Variants in PALM3 observed in about 807,000 individuals in gnomAD.
The protein encoded by PALM3 is paralemmin-3.
In PALM3, 20 loss-of-function variants were observed where a neutral mutation model predicts 27.9. The observed-to-expected ratio is 0.72, with a 90% CI of 0.50 to 1.04. PALM3 has a LOEUF of 1.04. PALM3 is among the 50% of genes least tolerant of loss of function. The pLI is 0.00. For synonymous variants in PALM3, 328 were observed against 352.7 expected (o/e 0.93, Z 0.79); for missense variants, 814 against 869.4 (o/e 0.94, Z 0.80).
In PALM3 at chr19:14,053,609, A is replaced by G. The variant is rs1481290745; in HGVS notation, c.2063T>C (p.Met688Thr). The G allele has an allele frequency of 5.5e-6, 8 of 1,453,700 alleles. No homozygotes were observed. The highest frequency in any genetic ancestry group is 9.1e-7 in the Non-Finnish European group (1 of 1,100,978). 90.1% of individuals were successfully genotyped at this position (1,453,700 alleles called of 1,614,324 possible). The change falls in exon 7 of 7, where the codon ATG becomes ACG. Residue 688 changes from methionine (M) to threonine (T), a missense_variant. Transcript: ENST00000669674. ...KQKTCQCCAVM is the reference protein window; with the variant it reads ...KQKTCQCCAVT ...ATGGGGTGGAGGGGCATGGGTTCAC[A>G]TGACCGCACAACACTGGCACGTCTT...
At position 14,054,252 on chromosome 19, in the gene PALM3, TTCTC is replaced by T. The variant is rs1568506245; in HGVS notation, c.1416_1419del (p.Arg473LysfsTer6). On this transcript the variant is annotated frameshift_variant, in exon 7 of 7. Coordinates refer to ENST00000669674, the MANE Select transcript of PALM3 (RefSeq NM_001145028.2). LOFTEE classifies it low-confidence loss of function (END_TRUNC). ...TCTGCCCTCAAATGTCCCTCAACTTTTCTCTCTATGCCCAGTGGTTCCTCACCTC... is the reference window on the plus strand; with the variant it reads ...TCTGCCCTCAAATGTCCCTCAACTTTTCTATGCCCAGTGGTTCCTCACCTC... The T allele has an allele frequency of 6.4e-7, 1 of 1,552,060 alleles. No homozygotes were observed. Among genetic ancestry groups the T allele is most frequent in the Non-Finnish European group, 8.7e-7 (1 of 1,147,072 alleles).
chr19:14,053,732 G>C lies in PALM3; in HGVS notation c.1940C>G (p.Ala647Gly). ...QPLLQGEGPSANPSAHPVPTY... is the reference protein window; with the variant it reads ...QPLLQGEGPSGNPSAHPVPTY... ...GGGCACAGGGTGGGCACTGGGGTTG[G>C]CGCTGGGCCCCTCCCCCTGAAGCAG... Residue 647 changes from alanine (A) to glycine (G), a missense_variant, in exon 7 of 7, where the codon GCC becomes GGC. By Grantham distance (60) the Ala-to-Gly change is moderately conservative. Coordinates refer to ENST00000669674, the MANE Select transcript of PALM3 (RefSeq NM_001145028.2). The C allele has an allele frequency of 2.0e-6, 3 of 1,529,878 alleles. No individual in the cohort carries two copies. Among genetic ancestry groups the C allele is most frequent in the South Asian group, 1.3e-5 (1 of 79,652 alleles). The allele number at this position is 1,529,878 out of a possible 1,614,324, so 94.8% of individuals were successfully genotyped here. A position where few individuals can be genotyped will look rare whatever the true frequency, so the allele number is the denominator to read the frequency against.
chr19:14,061,996 C>T lies in PALM3; in HGVS notation c.-16G>A, dbSNP rs34317732. On this transcript the variant is annotated 5_prime_UTR_variant, in exon 1 of 7. Transcript: ENST00000669674. ...GCAGGGCCATCTCTGCCCAGAAGTT[C>T]ACTTTCTGGTCTCCGAGTTCTGGAC... 0.019 allele frequency: 18,783 copies of T among 985,252 alleles called. 185 individuals are homozygous for T. Among genetic ancestry groups the T allele is most frequent in the Non-Finnish European group, 0.021 (17,472 of 829,788 alleles). The allele number at this position is 985,252 out of a possible 1,614,324, so 61.0% of individuals were successfully genotyped here.
chr19:14,060,326 A>G (rs1321370524), intron 1 of PALM3, among the ~76,000 whole-genome samples: 1 of 151,984 alleles, frequency 6.6e-6, no homozygotes, highest in Non-Finnish European at 1.5e-5. Flanking sequence ...TATAGCATAT[A>G]GTGTTCTAAG....
intron 3 of PALM3, chr19:14,057,049 T>G (rs961871679): frequency 2.9e-5 from 17 of 589,928 alleles, no homozygotes; most frequent in Non-Finnish European, 5.1e-5. Context: ...CCCTCCCTAC[T>G]GGCCCCTCCC....
In PALM3 at chr19:14,058,979, G is replaced by C. The variant is rs984874942; in HGVS notation, c.90+136C>G. On this transcript the variant is annotated intron_variant, in intron 2 of 6. Transcript: ENST00000669674. ...CCAGACAGGAACTGGGGGGCAGAGG[G>C]GGCTGGAGAATTGGTGTGGGGAGCC... The C allele has an allele frequency of 4.2e-6, 3 of 713,532 alleles. No individual in the cohort carries two copies. The African/African-American group carries it at 5.7e-5, about 13-fold the overall frequency. The allele number at this position is 713,532 out of a possible 1,614,324, so 44.2% of individuals were successfully genotyped here. A position where few individuals can be genotyped will look rare whatever the true frequency, so the allele number is the denominator to read the frequency against.
Position 14,056,454 on chromosome 19 carries a change from G to A in PALM3, c.374C>T (p.Ser125Leu). The A allele has an allele frequency of 6.4e-7, 1 of 1,551,644 alleles. No homozygotes were observed. Among genetic ancestry groups the A allele is most frequent in the South Asian group, 1.2e-5 (1 of 84,044 alleles). ...CTGTCTGCGCCAGCTGGGCCTGCCT[G>A]AGGGCTTGTGCTGGGCACCTGTGGA... ...SASTGAQHKP[S>L]GRPSWRRQGH... The change falls in exon 5 of 7, where the codon TCA becomes TTA. Residue 125 changes from serine to leucine, a missense_variant. Coordinates refer to ENST00000669674, the MANE Select transcript of PALM3 (RefSeq NM_001145028.2).
At chr19:14,061,333 C>G (rs942892554) in intron 1 of PALM3, among the ~76,000 whole-genome samples, 2 of 152,172 alleles carry the variant, frequency 1.3e-5, no homozygotes, top group Non-Finnish European at 2.9e-5. Flanking sequence ...TCTTTCCAAA[C>G]CTCTGAAGCC....
chr19:14,056,475 G>C lies in PALM3; in HGVS notation c.353C>G (p.Thr118Arg). 1 of 1,551,706 alleles carries C rather than the reference G, an allele frequency of 6.4e-7. No individual in the cohort carries two copies. The highest frequency in any genetic ancestry group is 1.2e-5 in the South Asian group (1 of 84,058). Residue 118 changes from threonine (T) to arginine (R), a missense_variant, in exon 5 of 7, where the codon ACA becomes AGA. By Grantham distance (71) the Thr-to-Arg change is moderately conservative. Transcript: ENST00000669674. Reference protein sequence around the residue: ...SQLQLLQSASTGAQHKPSGRP... With the variant: ...SQLQLLQSASRGAQHKPSGRP... The stretch of plus-strand genomic sequence containing the variant: ...GCCTGAGGGCTTGTGCTGGGCACCT[G>C]TGGAAGCACTTTGCAACAGTTGCAG...
chr19:14,061,404 C>G (rs933650071), intron 1 of PALM3, among the ~76,000 whole-genome samples: 1 of 152,188 alleles, frequency 6.6e-6, no homozygotes, highest in South Asian at 2.1e-4. Flanking sequence ...ACTTCACACA[C>G]CCCATTCCAT....
At chr19:14,057,792 A>C (rs913968114) in intron 2 of PALM3, among the ~76,000 whole-genome samples, 7 of 151,630 alleles carry the variant, frequency 4.6e-5, no homozygotes, top group Non-Finnish European at 1.0e-4. Context: ...CCGAGATACG[A>C]GGTTAAGAGA....
At chr19:14,057,532 C>T in intron 2 of PALM3, 101 bp from the exon 3 acceptor site, 8 of 979,792 alleles carry the variant, frequency 8.2e-6, no homozygotes, top group South Asian at 2.0e-5. Flanking sequence ...CTCACCGGAG[C>T]TCCCGGGGCT....
In PALM3 at chr19:14,056,576, G is replaced by T. The variant is rs1003713741; in HGVS notation, c.315-63C>A. The stretch of plus-strand genomic sequence containing the variant: ...AGGCTCCTTGGGCTCCTAGACTCAA[G>T]CGACCACCTCCTTGGAATGTGCCCA... On this transcript the variant is annotated intron_variant, in intron 4 of 6. Coordinates refer to ENST00000669674, the MANE Select transcript of PALM3 (RefSeq NM_001145028.2). 18 of 1,550,090 alleles carry T rather than the reference G, an allele frequency of 1.2e-5. No homozygotes were observed. In the Admixed American group the frequency reaches 3.5e-4, roughly 31 times the overall value.
Position 14,054,814 on chromosome 19 carries a change from CCT to C in PALM3, c.856_857del (p.Arg286GlyfsTer14). 6.5e-7 allele frequency: 1 copy of C among 1,549,846 alleles called. No individual in the cohort carries two copies. The highest frequency in any genetic ancestry group is 8.7e-7 in the Non-Finnish European group (1 of 1,146,112). The part of the protein sequence containing the change: ...LELPAWVKED[R>X]GIVEVVWEGV... ...CCTCCCAGACCACCTCCACGATGCCCCTGTCCTCCTTCACCCAGGCCGGGAGC... is the reference window on the plus strand; with the variant it reads ...CCTCCCAGACCACCTCCACGATGCCCGTCCTCCTTCACCCAGGCCGGGAGC... On this transcript the variant is annotated frameshift_variant, in exon 7 of 7. Transcript: ENST00000669674. LOFTEE classifies it low-confidence loss of function (END_TRUNC).
In PALM3 at chr19:14,053,510, C is replaced by G; in HGVS notation, c.*95G>C. The G allele has an allele frequency of 7.3e-7, 1 of 1,373,668 alleles. No individual in the cohort carries two copies. 85.1% of individuals were successfully genotyped at this position (1,373,668 alleles called of 1,614,324 possible). A position where few individuals can be genotyped will look rare whatever the true frequency, so the allele number is the denominator to read the frequency against. Reference sequence around the variant, plus strand: ...TGGCTCCCAGGTGCCATGGCCAGTCCTGTGGTCCCTGTCTGTGCCTGGGAC... The same window carrying G: ...TGGCTCCCAGGTGCCATGGCCAGTCGTGTGGTCCCTGTCTGTGCCTGGGAC... On this transcript the variant is annotated 3_prime_UTR_variant, in exon 7 of 7. Transcript: ENST00000669674.
rs938058404 is a variant in PALM3 at position 14,054,102 on chromosome 19, TTCTC to T, written c.1566_1569del (p.Lys524GlufsTer29). 1.3e-6 allele frequency: 2 copies of T among 1,551,242 alleles called. No individual in the cohort carries two copies. Among genetic ancestry groups the T allele is most frequent in the South Asian group, 1.2e-5 (1 of 84,030 alleles). The stretch of plus-strand genomic sequence containing the variant: ...GCCTCCAGTGTCTCCTCCCCTCCCT[TTCTC>T]TCTGCCTCCAGTGGTTCTTTGGTTG... On this transcript the variant is annotated frameshift_variant, in exon 7 of 7. Transcript: ENST00000669674. LOFTEE classifies it low-confidence loss of function (END_TRUNC).
Position 14,060,792 on chromosome 19 carries a change from GCT to G in PALM3, c.41+1146_41+1147del, listed in dbSNP as rs568925506. On this transcript the variant is annotated intron_variant, in intron 1 of 6. Coordinates refer to ENST00000669674, the MANE Select transcript of PALM3 (RefSeq NM_001145028.2). ...CTTTCTTTTTTTGAGTCGGAGTCTCGCTCTGTCACCCAGGCTGGAGTGCAATG... is the reference window on the plus strand; with the variant it reads ...CTTTCTTTTTTTGAGTCGGAGTCTCGCTGTCACCCAGGCTGGAGTGCAATG... Among the ~76,000 whole-genome samples the G allele has an allele frequency of 6.7e-3, 1,016 of 152,114 alleles. 5 individuals are homozygous for G. Among genetic ancestry groups the G allele is most frequent in the Non-Finnish European group, 9.0e-3 (612 of 67,984 alleles).
At chr19:14,056,871 G>T in intron 3 of PALM3, 67 bp from the exon 4 acceptor site, 1 of 1,441,750 alleles carries the variant, frequency 6.9e-7, no homozygotes, top group South Asian at 1.4e-5. Context: ...GTCCCCTCCC[G>T]ACCTCTGCAG....
chr19:14,053,982 C>T lies in PALM3; in HGVS notation c.1690G>A (p.Glu564Lys). The change falls in exon 7 of 7, where the codon GAA becomes AAA. Residue 564 changes from glutamate (E) to lysine (K), a missense_variant. Glu to Lys is a moderately conservative substitution (Grantham distance 56). Transcript: ENST00000669674. ...NLEQGSREGS[E>K]SQAEEMNEAG... ...TCATTCATCTCCTCTGCCTGGGATTCACTTCCTTCCCTAGACCCTTGTTCT... is the reference window on the plus strand; with the variant it reads ...TCATTCATCTCCTCTGCCTGGGATTTACTTCCTTCCCTAGACCCTTGTTCT... 6.4e-7 allele frequency: 1 copy of T among 1,551,710 alleles called. No homozygotes were observed. The highest frequency in any genetic ancestry group is 8.7e-7 in the Non-Finnish European group (1 of 1,146,956).
Sources: gnomAD v4.1 joint callset for allele counts (sites outside exome capture counted in the v4.1 genomes callset) on GRCh38, gnomAD v4.1.1 for gene constraint, MANE v1.5 for transcripts, NCBI Gene and HGNC (gene_info 2026-07-23, HGNC 2026-07-21) for gene names.